COPS7A: variants seen among roughly 807,000 people sequenced by gnomAD.
COPS7A encodes the protein COP9 signalosome complex subunit 7a.
Under a neutral mutation model 35.2 loss-of-function variants are expected in COPS7A, and 20 were observed. That is an observed-to-expected ratio of 0.57 (90% CI 0.40 to 0.83). COPS7A has a LOEUF of 0.83. COPS7A is among the 40% of genes least tolerant of loss of function. The pLI, the probability that COPS7A is intolerant of heterozygous loss-of-function variation, is 0.00. For missense variants in COPS7A, 247 were observed against 347.5 expected (o/e 0.71, Z 2.30); for synonymous variants, 139 against 141.4 (o/e 0.98, Z 0.12).
At chr12:6,728,465 T>C in intron 4 of COPS7A, 154 bp downstream of exon 4, 1 of 539,620 alleles carries the variant, frequency 1.9e-6, no homozygotes. Flanking sequence ...CTGTTTAGGC[T>C]GATAGTATTC....
chr12:6,724,418 C>A (rs1373464551), intron 1 of COPS7A, 196 bp from the exon 2 acceptor site: 4 of 533,884 alleles, frequency 7.5e-6, no homozygotes, highest in African/African-American at 2.3e-5. Flanking sequence ...GGGTTAGGCC[C>A]AGGGGAGGGG....
At position 6,731,369 on chromosome 12, in the gene COPS7A, T is replaced by C. The variant is rs1181489002; in HGVS notation, c.*330T>C. 13 of 1,372,800 alleles carry C rather than the reference T, an allele frequency of 9.5e-6. No homozygotes were observed. The highest frequency in any genetic ancestry group is 1.9e-6 in the Non-Finnish European group (2 of 1,059,310). 85.0% of individuals were successfully genotyped at this position (1,372,800 alleles called of 1,614,324 possible). ...GGTGGGTAGCCCTGATGGGGGTCGC[T>C]CTGTCTGGAGCATAACCCACAGGCG... On this transcript the variant is annotated 3_prime_UTR_variant, in exon 8 of 8. Transcript: ENST00000543155.
In COPS7A at chr12:6,729,151, G is replaced by A; in HGVS notation, c.328-96G>A. ...GATTTAGGAATGGGAGTGGAGGGCAGGTGGGCTAGGGCAGGGGGAAAAGGA... is the reference window on the plus strand; with the variant it reads ...GATTTAGGAATGGGAGTGGAGGGCAAGTGGGCTAGGGCAGGGGGAAAAGGA... On this transcript the variant is annotated intron_variant, in intron 4 of 7. Coordinates refer to ENST00000543155, the MANE Select transcript of COPS7A (RefSeq NM_001164094.2). The surrounding 1 kb of genome is among the most constrained non-coding windows in gnomAD (Gnocchi z 4.2). The A allele has an allele frequency of 8.1e-7, 1 of 1,235,806 alleles. No homozygotes were observed. Among genetic ancestry groups the A allele is most frequent in the Admixed American group, 1.7e-5 (1 of 57,634 alleles). The allele number at this position is 1,235,806 out of a possible 1,614,324, so 76.6% of individuals were successfully genotyped here.
At chr12:6,726,100 G>T (rs554706498) in intron 2 of COPS7A, 55 of 353,820 alleles carry the variant, frequency 1.6e-4, no homozygotes, top group African/African-American at 1.1e-3. Context: ...GGATCATGAG[G>T]TCAGGAGATG....
chr12:6,727,856 C>T, intron 2 of COPS7A, 70 bp from the exon 3 acceptor site: 1 of 1,495,920 alleles, frequency 6.7e-7, no homozygotes, highest in Admixed American at 1.7e-5. Context: ...AGTGGAGTTC[C>T]AAACAGGGTA....
intron 2 of COPS7A, chr12:6,727,622 G>A (rs1941289379): frequency 1.9e-6 from 1 of 528,374 alleles, no homozygotes; most frequent in African/African-American, 1.9e-5. Flanking sequence ...TGTCTGGTGT[G>A]TATGTCTGTT....
Position 6,731,129 on chromosome 12 carries a change from C to T in COPS7A, c.*90C>T. Reference sequence around the variant, plus strand: ...TCAGAGAGCCTTCTGTGCCCCTGGCCAGCTGATAATCCTAGGTTCATGACC... The same window carrying T: ...TCAGAGAGCCTTCTGTGCCCCTGGCTAGCTGATAATCCTAGGTTCATGACC... On this transcript the variant is annotated 3_prime_UTR_variant, in exon 8 of 8. Transcript: ENST00000543155. 2 of 1,612,182 alleles carry T rather than the reference C, an allele frequency of 1.2e-6. No homozygotes were observed. Among genetic ancestry groups the T allele is most frequent in the Non-Finnish European group, 1.7e-6 (2 of 1,179,240 alleles).
At chr12:6,726,500 G>A (rs917116241) in intron 2 of COPS7A, among the ~76,000 whole-genome samples, 1 of 151,958 alleles carries the variant, frequency 6.6e-6, no homozygotes, top group Non-Finnish European at 1.5e-5. Context: ...TACTCGGGAG[G>A]CTGAGGCAGG....
At chr12:6,728,899 T>TC in intron 4 of COPS7A, 1 of 324,208 alleles carries the variant, frequency 3.1e-6, no homozygotes, top group South Asian at 3.0e-5. Context: ...TTCTGCTTAC[T>TC]CCCCTGTATC....
chr12:6,725,812 T>A, intron 2 of COPS7A: 3 of 456,132 alleles, frequency 6.6e-6, no homozygotes, highest in Non-Finnish European at 1.3e-5. Flanking sequence ...ACCTTTTGGA[T>A]CACTCTGTGA....
Position 6,727,921 on chromosome 12 carries a change from C to T in COPS7A, c.163-5C>T, listed in dbSNP as rs199847250. 1.2e-3 allele frequency: 1,872 copies of T among 1,614,032 alleles called. 7 individuals carry two copies. The highest frequency in any genetic ancestry group is 7.4e-3 in the Middle Eastern group (45 of 6,060). The stretch of plus-strand genomic sequence containing the variant: ...CCGTCACCTCCTTTTTCCTCATTCT[C>T]GCAGCTGGCTGAGAGTGACTTTGCC... On this transcript the variant is annotated splice_region_variant and splice_polypyrimidine_tract_variant and intron_variant, in intron 2 of 7. Transcript: ENST00000543155.
At chr12:6,725,157 CTTTT>C (rs60514531) in intron 2 of COPS7A, among the ~76,000 whole-genome samples, 5 of 139,552 alleles carry the variant, frequency 3.6e-5, no homozygotes, top group South Asian at 2.3e-4. Context: ...TCAGCTTTCT[CTTTT>C]TTTTTTTTTT....
At position 6,724,827 on chromosome 12, in the gene COPS7A, C is replaced by G. The variant is rs538324678; in HGVS notation, c.162+9C>G. The G allele has an allele frequency of 5.0e-5, 81 of 1,613,982 alleles. No individual in the cohort carries two copies. In the South Asian group the frequency reaches 8.1e-4, roughly 16 times the overall value. Reference sequence around the variant, plus strand: ...TGCCCAATGTTAGAGAGGTGGGTTGCTGGCTTGAATAGCCCTCAGAGAAGC... The same window carrying G: ...TGCCCAATGTTAGAGAGGTGGGTTGGTGGCTTGAATAGCCCTCAGAGAAGC... On this transcript the variant is annotated intron_variant, in intron 2 of 7. Coordinates refer to ENST00000543155, the MANE Select transcript of COPS7A (RefSeq NM_001164094.2).
rs987681809 is a variant in COPS7A, at chr12:6,729,085, TTTTA to T, written c.328-154_328-151del. The T allele has an allele frequency of 4.2e-5, 27 of 642,028 alleles. No homozygotes were observed. In the Admixed American group the frequency reaches 6.8e-4, roughly 16 times the overall value. 39.8% of individuals were successfully genotyped at this position (642,028 alleles called of 1,614,324 possible). On this transcript the variant is annotated intron_variant, in intron 4 of 7. Coordinates refer to ENST00000543155, the MANE Select transcript of COPS7A (RefSeq NM_001164094.2). This position sits in a 1 kb window ranked among gnomAD's most constrained non-coding sequence, Gnocchi z 4.2. ...GATGCTGTTTTTGAAGTGGGAATAC[TTTTA>T]TTTATTTTGCTTTAGAACCAGCCTC...
intron 2 of COPS7A, among the ~76,000 whole-genome samples, chr12:6,725,313 T>C (rs569899904): frequency 1.1e-4 from 17 of 152,138 alleles, no homozygotes; most frequent in South Asian, 8.3e-4. Context: ...CCCGCCACCA[T>C]GCCCGGCTAA....
Position 6,728,212 on chromosome 12 carries a change from T to C in COPS7A, c.239-11T>C. The C allele has an allele frequency of 6.2e-7, 1 of 1,612,726 alleles. No individual in the cohort carries two copies. The highest frequency in any genetic ancestry group is 8.5e-7 in the Non-Finnish European group (1 of 1,178,946). On this transcript the variant is annotated splice_polypyrimidine_tract_variant and intron_variant, in intron 3 of 7. Coordinates refer to ENST00000543155, the MANE Select transcript of COPS7A (RefSeq NM_001164094.2). ...AATCAGGATTCCTTACACTTTGTCG[T>C]TTTTCCCTAGCTGAAGCCCGGAATC...
intron 7 of COPS7A, 43 bp downstream of exon 7, chr12:6,730,863 G>C (rs1941375813): frequency 1.9e-6 from 3 of 1,609,512 alleles, no homozygotes; most frequent in African/African-American, 2.7e-5. Flanking sequence ...AGGGTGCCCT[G>C]CTTTTACCCC....
At position 6,731,788 on chromosome 12, in the gene COPS7A, A is replaced by T. The variant is rs1469156087; in HGVS notation, c.*749A>T. 3 of 113,578 alleles carry T rather than the reference A, an allele frequency of 2.6e-5. No individual in the cohort carries two copies. The highest frequency in any genetic ancestry group is 8.0e-5 in the Admixed American group (1 of 12,520). 7.0% of individuals were successfully genotyped at this position (113,578 alleles called of 1,614,324 possible). A position where few individuals can be genotyped will look rare whatever the true frequency, so the allele number is the denominator to read the frequency against. On this transcript the variant is annotated 3_prime_UTR_variant, in exon 8 of 8. Transcript: ENST00000543155. ...AAGGGAAGGGTATATAGATTGTATTAAAAAAAAAAAGGTATATATGCATAT... is the reference window on the plus strand; with the variant it reads ...AAGGGAAGGGTATATAGATTGTATTTAAAAAAAAAAGGTATATATGCATAT...
At chr12:6,726,296 A>G (rs932525078) in intron 2 of COPS7A, among the ~76,000 whole-genome samples, 3 of 150,254 alleles carry the variant, frequency 2.0e-5, no homozygotes, top group Non-Finnish European at 4.4e-5. Context: ...TCAAAAAACA[A>G]GACAAAAACG....
Sources: allele counts gnomAD v4.1 joint callset (sites outside exome capture counted in the v4.1 genomes callset), GRCh38; gene constraint gnomAD v4.1.1; non-coding constraint Gnocchi (gnomAD v3.1); transcripts MANE v1.5; gene names NCBI Gene and HGNC (gene_info 2026-07-23, HGNC 2026-07-21).